Variants in AUTS2 observed in about 807,000 individuals in gnomAD.
The protein encoded by AUTS2 is activator of transcription and developmental regulator AUTS2.
A neutral mutation model predicts 112.4 loss-of-function variants in AUTS2; 17 were observed. That is an observed-to-expected ratio of 0.15 (90% CI 0.10 to 0.23). The LOEUF (loss-of-function observed/expected upper bound fraction) is 0.23, where lower values mean the gene tolerates loss of function less well. Among genes scored for constraint, AUTS2 ranks in the 10% least tolerant of loss-of-function variants. The pLI is 1.00. For missense variants in AUTS2, 1,510 were observed against 1,701.6 expected (o/e 0.89, Z 1.98); for synonymous variants, 751 against 702.7 (o/e 1.07, Z -1.09).
At chr7:69,782,167 C>T (rs1231297122) in intron 1 of AUTS2, among the ~76,000 whole-genome samples, 1 of 151,996 alleles carries the variant, frequency 6.6e-6, no homozygotes, top group Non-Finnish European at 1.5e-5. Context: ...GAGTTTGATA[C>T]CAGCCTGGGC....
chr7:70,037,884 A>G (rs1340777799), intron 2 of AUTS2, among the ~76,000 whole-genome samples: 1 of 152,084 alleles, frequency 6.6e-6, no homozygotes, highest in Non-Finnish European at 1.5e-5. Context: ...AGCACCTAAT[A>G]AATGTTAGGT....
chr7:70,483,418 TA>T (rs1468987022), intron 5 of AUTS2, among the ~76,000 whole-genome samples: 1 of 152,146 alleles, frequency 6.6e-6, no homozygotes, highest in African/African-American at 2.4e-5. Context: ...CAAAATAAAA[TA>T]AAAGGGACTG....
chr7:70,077,148 G>C (rs943617571), intron 2 of AUTS2, among the ~76,000 whole-genome samples: 1 of 152,172 alleles, frequency 6.6e-6, no homozygotes, highest in East Asian at 1.9e-4. Context: ...GTCCATTAGA[G>C]GGATGGGCAT....
chr7:70,232,107 A>G (rs1466903577), intron 4 of AUTS2, among the ~76,000 whole-genome samples: 1 of 152,210 alleles, frequency 6.6e-6, no homozygotes, highest in Non-Finnish European at 1.5e-5. Context: ...CTTCATTTGA[A>G]TGAATATTTA....
intron 4 of AUTS2, among the ~76,000 whole-genome samples, chr7:70,186,578 T>C (rs1369219605): frequency 5.3e-5 from 8 of 152,174 alleles, no homozygotes; most frequent in Non-Finnish European, 1.2e-4. Flanking sequence ...GGAATTTAAT[T>C]TAATTTTTTG....
chr7:70,485,309 T>C (rs1007379842), intron 5 of AUTS2, among the ~76,000 whole-genome samples: 1 of 152,120 alleles, frequency 6.6e-6, no homozygotes, highest in African/African-American at 2.4e-5. Context: ...CATGAAACAA[T>C]GGCCTTTGCA....
At chr7:69,825,926 T>A (rs1297004152) in intron 1 of AUTS2, 1 of 152,236 alleles carries the variant, frequency 6.6e-6, no homozygotes, top group Non-Finnish European at 1.5e-5. Context: ...AAGCATCTAG[T>A]CCTTATGAGT....
At chr7:70,294,790 A>G (rs1202529464) in intron 4 of AUTS2, among the ~76,000 whole-genome samples, 2 of 152,204 alleles carry the variant, frequency 1.3e-5, no homozygotes, top group African/African-American at 4.8e-5. Context: ...TGTTCCGGGC[A>G]TGGTGAGCAT....
chr7:70,091,407 C>A (rs1476480303), intron 2 of AUTS2, among the ~76,000 whole-genome samples: 1 of 152,142 alleles, frequency 6.6e-6, no homozygotes, highest in Non-Finnish European at 1.5e-5. Flanking sequence ...TATTCTGATT[C>A]TCCTCAGCTA....
chr7:69,849,493 C>A (rs1478771297), intron 1 of AUTS2, among the ~76,000 whole-genome samples: 1 of 152,048 alleles, frequency 6.6e-6, no homozygotes, highest in African/African-American at 2.4e-5. Flanking sequence ...CTATTGCTTC[C>A]TTTTTATAAC....
At chr7:70,049,610 G>A (rs1245674762) in intron 2 of AUTS2, among the ~76,000 whole-genome samples, 3 of 151,876 alleles carry the variant, frequency 2.0e-5, no homozygotes, top group African/African-American at 7.3e-5. Flanking sequence ...GATTACAGGC[G>A]CCCAGCCAGT....
At chr7:70,717,057 G>T (rs1307248413) in intron 6 of AUTS2, among the ~76,000 whole-genome samples, 3 of 147,156 alleles carry the variant, frequency 2.0e-5, no homozygotes, top group African/African-American at 7.6e-5. Context: ...TTAGACACTG[G>T]GTCTCACTCT....
At chr7:69,642,693 T>G (rs535504292) in intron 1 of AUTS2, among the ~76,000 whole-genome samples, 1 of 152,340 alleles carries the variant, frequency 6.6e-6, no homozygotes, top group African/African-American at 2.4e-5. Flanking sequence ...TGCATTTATT[T>G]CAGGCCTCTT....
intron 4 of AUTS2, among the ~76,000 whole-genome samples, chr7:70,267,284 T>C (rs1236852430): frequency 1.3e-5 from 2 of 152,098 alleles, no homozygotes; most frequent in Non-Finnish European, 2.9e-5. Flanking sequence ...GTTTCTTTTT[T>C]TTTTTTTCCT....
chr7:69,722,378 A>ATT (rs34149543), intron 1 of AUTS2, among the ~76,000 whole-genome samples: 84,067 of 142,628 alleles, frequency 0.59, 25,057 homozygotes, highest in East Asian at 0.68. Flanking sequence ...CTTATTCTAC[A>ATT]TTTTTTTTTT....
intron 1 of AUTS2, among the ~76,000 whole-genome samples, chr7:69,624,274 A>G (rs1793827625): frequency 6.6e-6 from 1 of 152,178 alleles, no homozygotes; most frequent in African/African-American, 2.4e-5. Flanking sequence ...TGTCCAGGTA[A>G]CTTAGGAAAC....
At chr7:69,632,217 A>G (rs1008057129) in intron 1 of AUTS2, among the ~76,000 whole-genome samples, 1 of 152,112 alleles carries the variant, frequency 6.6e-6, no homozygotes, top group African/African-American at 2.4e-5. Context: ...ATACCACCTT[A>G]CATTACTTAT....
At chr7:70,682,654 T>C (rs1157910419) in intron 5 of AUTS2, among the ~76,000 whole-genome samples, 6 of 152,176 alleles carry the variant, frequency 3.9e-5, no homozygotes, top group Admixed American at 3.9e-4. Context: ...ACCCAGATGG[T>C]TGTTTCACTT....
intron 2 of AUTS2, among the ~76,000 whole-genome samples, chr7:70,030,918 G>T (rs777799413): frequency 1.1e-4 from 16 of 152,068 alleles, no homozygotes; most frequent in Non-Finnish European, 1.9e-4. Context: ...GTTGTCTTGG[G>T]TTGTATGGGA....
Sources: gnomAD v4.1 joint callset for allele counts (sites outside exome capture counted in the v4.1 genomes callset) on GRCh38, gnomAD v4.1.1 for gene constraint, MANE v1.5 for transcripts, NCBI Gene and HGNC (gene_info 2026-07-23, HGNC 2026-07-21) for gene names.